RASA3: variants seen among roughly 807,000 people sequenced by gnomAD.
The protein encoded by RASA3 is RAS p21 protein activator 3, also known as ras GTPase-activating protein 3.
RASA3 carries 73 observed loss-of-function variants against 110.0 expected under a neutral mutation model. That is an observed-to-expected ratio of 0.66 (90% CI 0.55 to 0.81). The LOEUF (loss-of-function observed/expected upper bound fraction) is 0.81. Among genes scored for constraint, RASA3 ranks in the 30% least tolerant of loss-of-function variants. The pLI is 0.00. For missense variants in RASA3, 976 were observed against 1,113.2 expected, an observed-to-expected ratio of 0.88 and a Z score of 1.75; for synonymous variants, 500 against 451.4, an observed-to-expected ratio of 1.11 and a Z score of -1.37.
At chr13:114,010,810 T>TGGGGAGGAGAGGGCCGCGAGGGGAGG (rs1225559439) in intron 16 of RASA3, among the ~76,000 whole-genome samples, 2 of 11,038 alleles carry the variant, frequency 1.8e-4, no homozygotes, top group Non-Finnish European at 3.9e-4. Context: ...GCGAGGGGAG[T>TGGGGAGGAGAGGGCCGCGAGGGGAGG]AGGGGGCTGC....
At chr13:114,107,000 C>G (rs997847327) in intron 1 of RASA3, among the ~76,000 whole-genome samples, 9 of 152,350 alleles carry the variant, frequency 5.9e-5, no homozygotes, top group East Asian at 5.8e-4. Context: ...CCAGGCCCCC[C>G]CAGAGCCACA....
intron 18 of RASA3, among the ~76,000 whole-genome samples, chr13:114,004,503 G>C (rs1367237412): frequency 6.6e-6 from 1 of 152,148 alleles, no homozygotes; most frequent in African/African-American, 2.4e-5. Context: ...ATGAGAGCCA[G>C]AGCTGCCTGT....
chr13:114,040,949 C>T, intron 4 of RASA3, 51 bp downstream of exon 4: 1 of 1,568,632 alleles, frequency 6.4e-7, no homozygotes, highest in African/African-American at 1.4e-5. Context: ...CGTCTCGAAG[C>T]CCCATGGTGT....
At chr13:114,108,354 G>A (rs1458180142) in intron 1 of RASA3, among the ~76,000 whole-genome samples, 6 of 123,810 alleles carry the variant, frequency 4.8e-5, no homozygotes, top group East Asian at 2.4e-4. Flanking sequence ...GTCATCCCGT[G>A]TCCATCACCC....
intron 1 of RASA3, among the ~76,000 whole-genome samples, chr13:114,078,484 T>G (rs898630926): frequency 6.6e-6 from 1 of 152,242 alleles, no homozygotes; most frequent in Non-Finnish European, 1.5e-5. Context: ...ACAGTTCTCA[T>G]GACCACTTTT....
At chr13:114,103,080 C>T (rs1330789202) in intron 1 of RASA3, among the ~76,000 whole-genome samples, 1 of 152,162 alleles carries the variant, frequency 6.6e-6, no homozygotes, top group Admixed American at 6.5e-5. Flanking sequence ...GGGAGAAATG[C>T]AGCTGTGGCT....
At chr13:114,055,403 T>C (rs2079227272) in intron 2 of RASA3, among the ~76,000 whole-genome samples, 1 of 152,124 alleles carries the variant, frequency 6.6e-6, no homozygotes, top group South Asian at 2.1e-4. Context: ...GGACGCACAC[T>C]CCCCAGGCAG....
chr13:114,052,116 C>G lies in RASA3; in HGVS notation c.213G>C (p.Arg71=). Residue 71 remains arginine (R), a synonymous_variant, in exon 3 of 24, where the codon CGG becomes CGC. Coordinates refer to ENST00000334062, the MANE Select transcript of RASA3 (RefSeq NM_007368.4). ...TGTAGAAGGACAGGTGACGAAAGCTCCGAGGAATTTCACAGTAAAAGTCTT... is the reference window on the plus strand; with the variant it reads ...TGTAGAAGGACAGGTGACGAAAGCTGCGAGGAATTTCACAGTAAAAGTCTT... ...YGEDFYCEIP[R]SFRHLSFYIF... The G allele has an allele frequency of 6.2e-7, 1 of 1,613,520 alleles. No homozygotes were observed. Among genetic ancestry groups the G allele is most frequent in the Non-Finnish European group, 8.5e-7 (1 of 1,179,808 alleles).
intron 2 of RASA3, among the ~76,000 whole-genome samples, chr13:114,059,999 C>T (rs562212832): frequency 1.4e-3 from 215 of 152,332 alleles, no homozygotes; most frequent in African/African-American, 4.9e-3. Flanking sequence ...GGCTTACGGA[C>T]GAGTGAGCGC....
At chr13:114,041,988 T>C (rs2139474128) in intron 3 of RASA3, among the ~76,000 whole-genome samples, 1 of 152,328 alleles carries the variant, frequency 6.6e-6, no homozygotes, top group African/African-American at 2.4e-5. Context: ...CTAAACAGTT[T>C]CCCGTGCCTT....
At chr13:114,030,039 C>G (rs1040077092) in intron 4 of RASA3, 152 bp from the exon 5 acceptor site, 2 of 687,784 alleles carry the variant, frequency 2.9e-6, no homozygotes, top group Admixed American at 2.2e-5. Context: ...CCACTCCACC[C>G]CCGGGACGCA....
chr13:114,024,384 A>G lies in RASA3; in HGVS notation c.604-29T>C, dbSNP rs921942433. 4 of 1,607,778 alleles carry G rather than the reference A, an allele frequency of 2.5e-6. No homozygotes were observed. In the Admixed American group the frequency reaches 5.0e-5, roughly 20 times the overall value. ...GAGTCAGACGAGAGAGAAAGCGCTG[A>G]GACCGCGGTGCCACCAGGCGGGGGT... On this transcript the variant is annotated intron_variant, in intron 7 of 23. Coordinates refer to ENST00000334062, the MANE Select transcript of RASA3 (RefSeq NM_007368.4).
At chr13:114,052,690 CCCG>C (rs2079165812) in intron 2 of RASA3, among the ~76,000 whole-genome samples, 1 of 150,252 alleles carries the variant, frequency 6.7e-6, no homozygotes, top group African/African-American at 2.5e-5. Context: ...GGGAGAGGCC[CCCG>C]CTGCTGACTG....
At chr13:114,079,444 T>C (rs1036824781) in intron 1 of RASA3, among the ~76,000 whole-genome samples, 1 of 152,128 alleles carries the variant, frequency 6.6e-6, no homozygotes, top group Non-Finnish European at 1.5e-5. Context: ...CTTTTAGTCG[T>C]CCCAACGCAA....
At chr13:113,999,267 T>G (rs1200120883) in intron 20 of RASA3, among the ~76,000 whole-genome samples, 7 of 152,186 alleles carry the variant, frequency 4.6e-5, no homozygotes, top group African/African-American at 1.7e-4. Context: ...AGCCTGCTTC[T>G]GGGATGTCTT....
At chr13:114,074,698 A>G (rs1374559698) in intron 1 of RASA3, among the ~76,000 whole-genome samples, 1 of 152,144 alleles carries the variant, frequency 6.6e-6, no homozygotes, top group Non-Finnish European at 1.5e-5. Flanking sequence ...CCCTCCTTCA[A>G]GCCCACAGAG....
chr13:113,980,482 C>G (rs1051491735), intron 23 of RASA3, among the ~76,000 whole-genome samples: 2 of 131,506 alleles, frequency 1.5e-5, no homozygotes, highest in East Asian at 2.5e-4. Context: ...TGTGCACCTC[C>G]TGCCATGTGT....
At chr13:114,015,821 C>T (rs1046850054) in intron 13 of RASA3, among the ~76,000 whole-genome samples, 4 of 152,030 alleles carry the variant, frequency 2.6e-5, no homozygotes, top group Non-Finnish European at 5.9e-5. Context: ...GGAGCCATTG[C>T]CCAAGGGAAG....
chr13:113,992,003 TCA>T lies in RASA3; in HGVS notation c.2245+480_2245+481del, dbSNP rs529990997. Among the ~76,000 whole-genome samples the T allele has an allele frequency of 1.1e-4, 16 of 151,860 alleles. No homozygotes were observed. In the South Asian group the frequency reaches 2.3e-3, roughly 22 times the overall value. Reference sequence around the variant, plus strand: ...CACGTGTCCACACATTCACACATGCTCACACATGTCCACATTCACACATCCAC... The same window carrying T: ...CACGTGTCCACACATTCACACATGCTCACATGTCCACATTCACACATCCAC... On this transcript the variant is annotated intron_variant, in intron 22 of 23. Coordinates refer to ENST00000334062, the MANE Select transcript of RASA3 (RefSeq NM_007368.4).
Sources: allele counts gnomAD v4.1 joint callset (sites outside exome capture counted in the v4.1 genomes callset), GRCh38; gene constraint gnomAD v4.1.1; transcripts MANE v1.5; gene names NCBI Gene and HGNC (gene_info 2026-07-23, HGNC 2026-07-21).